TMEM232: variants seen among roughly 807,000 people sequenced by gnomAD.
TMEM232 encodes transmembrane protein 232.
In TMEM232, 80 loss-of-function variants were observed where a neutral mutation model predicts 78.8. The observed-to-expected ratio is 1.01, with a 90% CI of 0.85 to 1.22. The LOEUF (loss-of-function observed/expected upper bound fraction) is 1.22. TMEM232 is among the 50% of genes most tolerant of loss of function. The pLI is 0.00. For synonymous variants in TMEM232, 297 were observed against 254.3 expected, an observed-to-expected ratio of 1.17 and a Z score of -1.60; for missense variants, 881 against 742.2, an observed-to-expected ratio of 1.19 and a Z score of -2.17.
chr5:110,636,558 G>GA (rs1183579724), intron 5 of TMEM232, among the ~76,000 whole-genome samples: 2 of 151,964 alleles, frequency 1.3e-5, no homozygotes, highest in East Asian at 3.9e-4. Context: ...ATCAATAGAA[G>GA]AAAAAATAAG....
chr5:110,717,502 A>C (rs1005587879), intron 1 of TMEM232, among the ~76,000 whole-genome samples: 1 of 152,168 alleles, frequency 6.6e-6, no homozygotes, highest in Non-Finnish European at 1.5e-5. Context: ...ATCTGACAAC[A>C]AAGATAGCAA....
chr5:110,738,934 T>G, upstream of TMEM232: 1 of 1,423,686 alleles, frequency 7.0e-7, no homozygotes, highest in Non-Finnish European at 9.2e-7. Flanking sequence ...CCGTGCCCTT[T>G]AATGGTTGCC....
At chr5:110,451,248 A>C (rs952279429) in intron 12 of TMEM232, among the ~76,000 whole-genome samples, 3 of 152,174 alleles carry the variant, frequency 2.0e-5, no homozygotes, top group Non-Finnish European at 4.4e-5. Flanking sequence ...TTGTGCATCT[A>C]TCTCTTTCTT....
chr5:110,507,051 A>C (rs2149457226), intron 12 of TMEM232, among the ~76,000 whole-genome samples: 1 of 152,318 alleles, frequency 6.6e-6, no homozygotes, highest in South Asian at 2.1e-4. Context: ...AAGAATTTAC[A>C]GTACTACTAC....
intron 1 of TMEM232, chr5:110,720,556 G>A (rs151784): frequency 0.6 from 91,498 of 151,962 alleles, 31,987 homozygotes; most frequent in Non-Finnish European, 0.79. Flanking sequence ...AAGATGGCAT[G>A]AGTCATGACT....
At chr5:110,411,289 T>A (rs1755987377) in intron 2 of TMEM232, among the ~76,000 whole-genome samples, 1 of 152,190 alleles carries the variant, frequency 6.6e-6, no homozygotes, top group African/African-American at 2.4e-5. Context: ...CATACCAATA[T>A]TTTATTTTCT....
upstream of TMEM232, chr5:110,738,093 G>C (rs556778815): frequency 8.2e-5 from 38 of 461,760 alleles, no homozygotes; most frequent in Admixed American, 1.5e-3. Flanking sequence ...TTCGCATCTG[G>C]AAGATCGAGA....
intron 11 of TMEM232, among the ~76,000 whole-genome samples, chr5:110,532,784 C>A (rs112241938): frequency 0.013 from 1,911 of 152,154 alleles, 29 homozygotes; most frequent in African/African-American, 0.043. Flanking sequence ...GCACTCCTTA[C>A]CATCTCATTA....
intron 1 of TMEM232, among the ~76,000 whole-genome samples, chr5:110,674,597 T>G (rs899019177): frequency 1.3e-5 from 2 of 152,220 alleles, no homozygotes; most frequent in African/African-American, 4.8e-5. Context: ...TTGAAAGTAT[T>G]ACAAGAACCT....
At chr5:110,428,093 T>C (rs918002534) in intron 12 of TMEM232, among the ~76,000 whole-genome samples, 17 of 152,012 alleles carry the variant, frequency 1.1e-4, no homozygotes, top group African/African-American at 3.9e-4. Context: ...ATTCATTCTT[T>C]TGATTTTTTG....
Position 110,546,363 on chromosome 5 carries a change from C to T in TMEM232, c.1456-17528G>A, listed in dbSNP as rs180970429. Among the ~76,000 whole-genome samples, 6 of 152,056 alleles carry T rather than the reference C, an allele frequency of 3.9e-5. No individual in the cohort carries two copies. In the East Asian group the frequency reaches 9.7e-4, roughly 24 times the overall value. ...AATTTAAAATTGTATTTATGAAATT[C>T]AGTTGTTTATCATATAAATTGCATA... On this transcript the variant is annotated intron_variant, in intron 11 of 13. Transcript: ENST00000455884.
chr5:110,497,937 AATTTGAAT>A (rs1765809284), intron 12 of TMEM232, among the ~76,000 whole-genome samples: 2 of 152,160 alleles, frequency 1.3e-5, no homozygotes, highest in Non-Finnish European at 2.9e-5. Context: ...CTCAAGTATT[AATTTGAAT>A]ATGCAGCCCT....
intron 2 of TMEM232, among the ~76,000 whole-genome samples, chr5:110,411,478 A>T (rs979174353): frequency 6.6e-6 from 1 of 152,208 alleles, no homozygotes; most frequent in African/African-American, 2.4e-5. Flanking sequence ...TACACATAAC[A>T]TAAATTTAGC....
chr5:110,648,762 A>C (rs1427774300), intron 2 of TMEM232, among the ~76,000 whole-genome samples: 1 of 152,120 alleles, frequency 6.6e-6, no homozygotes, highest in Non-Finnish European at 1.5e-5. Flanking sequence ...TATTAGGAGA[A>C]TCTTTGGGCT....
intron 2 of TMEM232, among the ~76,000 whole-genome samples, chr5:110,399,301 G>A (rs1216280503): frequency 6.6e-6 from 1 of 152,134 alleles, no homozygotes; most frequent in Non-Finnish European, 1.5e-5. Context: ...TTGTAACACT[G>A]AGCAGTGGTG....
intron 2 of TMEM232, among the ~76,000 whole-genome samples, chr5:110,665,115 T>A (rs1437755256): frequency 1.3e-5 from 2 of 152,174 alleles, no homozygotes; most frequent in African/African-American, 4.8e-5. Flanking sequence ...TAAATTCTAT[T>A]GTATGTATAC....
chr5:110,645,247 C>T (rs1787318415), intron 2 of TMEM232, among the ~76,000 whole-genome samples: 1 of 151,570 alleles, frequency 6.6e-6, no homozygotes, highest in African/African-American at 2.4e-5. Context: ...CAACTTGATA[C>T]TCAAACTGTA....
Position 110,618,529 on chromosome 5 carries a change from A to G in TMEM232, c.802T>C (p.Cys268Arg). 1 of 1,551,406 alleles carries G rather than the reference A, an allele frequency of 6.4e-7. No individual in the cohort carries two copies. The highest frequency in any genetic ancestry group is 8.7e-7 in the Non-Finnish European group (1 of 1,146,780). Reference protein sequence around the residue: ...GYEINHLLWHCVAAWSCVQNN... With the variant: ...GYEINHLLWHRVAAWSCVQNN... The stretch of plus-strand genomic sequence containing the variant: ...TGAACACAAGACCAAGCAGCAACAC[A>G]GTGCCAGAGCAGGTGGTTAATTTCA... The change falls in exon 8 of 14, where the codon TGT becomes CGT. Residue 268 changes from cysteine to arginine, a missense_variant. Physicochemically the swap from Cys to Arg is radical, Grantham distance 180 (BLOSUM62 -3). Coordinates refer to ENST00000455884, the MANE Select transcript of TMEM232 (RefSeq NM_001039763.4).
intron 10 of TMEM232, among the ~76,000 whole-genome samples, chr5:110,583,966 C>T (rs1239072908): frequency 1.0e-5 from 1 of 99,084 alleles, no homozygotes; most frequent in Non-Finnish European, 2.2e-5. Flanking sequence ...TATCTATTAT[C>T]AAAAAAAAAA....
Sources: gnomAD v4.1 joint callset for allele counts (sites outside exome capture counted in the v4.1 genomes callset) on GRCh38, gnomAD v4.1.1 for gene constraint, MANE v1.5 for transcripts, NCBI Gene and HGNC (gene_info 2026-07-23, HGNC 2026-07-21) for gene names.